The following LINGO2 variants were observed in gnomAD, a reference collection of about 807,000 sequenced individuals.
LINGO2 encodes the protein leucine-rich repeat and immunoglobulin-like domain-containing nogo receptor-interacting protein 2.
A neutral mutation model predicts 30.6 loss-of-function variants in LINGO2; 14 were observed. The ratio of observed to expected loss-of-function variants is 0.46; its 90% CI spans 0.30 to 0.72. LINGO2 has a LOEUF of 0.72. Among genes scored for constraint, LINGO2 ranks in the 30% least tolerant of loss-of-function variants. The pLI is 0.07. For missense variants in LINGO2, 729 were observed against 751.7 expected, an observed-to-expected ratio of 0.97 and a Z score of 0.35; for synonymous variants, 317 against 288.5, an observed-to-expected ratio of 1.10 and a Z score of -1.00.
At chr9:28,084,166 G>A (rs144685990) in intron 4 of LINGO2, among the ~76,000 whole-genome samples, 4,481 of 152,158 alleles carry the variant, frequency 0.029, 133 homozygotes, top group South Asian at 0.086. Flanking sequence ...TATTTATACC[G>A]TTTTAAAGAA....
intron 5 of LINGO2, among the ~76,000 whole-genome samples, chr9:27,974,230 G>T (rs1186432329): frequency 6.6e-6 from 1 of 152,148 alleles, no homozygotes; most frequent in East Asian, 1.9e-4. Flanking sequence ...CATGTTAGGG[G>T]TTCAGGAGAG....
chr9:28,336,260 T>C (rs1825585855), intron 3 of LINGO2, among the ~76,000 whole-genome samples: 1 of 152,110 alleles, frequency 6.6e-6, no homozygotes, highest in South Asian at 2.1e-4. Flanking sequence ...ATTTTCCAAT[T>C]GGATTATATG....
chr9:28,353,081 C>G (rs1468784482), intron 3 of LINGO2, among the ~76,000 whole-genome samples: 1 of 150,740 alleles, frequency 6.6e-6, no homozygotes, highest in Non-Finnish European at 1.5e-5. Context: ...CCATTCAGGA[C>G]ATAGGCATGG....
chr9:28,051,172 A>G (rs945948428), intron 4 of LINGO2, among the ~76,000 whole-genome samples: 1 of 151,318 alleles, frequency 6.6e-6, no homozygotes, highest in African/African-American at 2.4e-5. Flanking sequence ...GCACATTCCA[A>G]TCACAGATGC....
chr9:28,303,479 G>T (rs1348289378), intron 3 of LINGO2, among the ~76,000 whole-genome samples: 2 of 152,028 alleles, frequency 1.3e-5, no homozygotes, highest in Non-Finnish European at 2.9e-5. Flanking sequence ...ACAACATGTG[G>T]ATTAGGAACA....
chr9:28,915,282 C>T, the LINGO2 span, among the ~76,000 whole-genome samples: 63 of 152,272 alleles, frequency 4.1e-4, no homozygotes, highest in Non-Finnish European at 8.1e-4. Context: ...CATCTGTTCA[C>T]AGTCACTTCT....
intron 4 of LINGO2, among the ~76,000 whole-genome samples, chr9:28,030,796 A>G (rs1439989219): frequency 6.6e-6 from 1 of 152,174 alleles, no homozygotes; most frequent in Non-Finnish European, 1.5e-5. Context: ...TAAGGGCAAA[A>G]AGTGGCAGGG....
the LINGO2 span, among the ~76,000 whole-genome samples, chr9:29,182,173 A>T: frequency 6.6e-6 from 1 of 152,242 alleles, no homozygotes; most frequent in South Asian, 2.1e-4. Flanking sequence ...AGTAGTCTTT[A>T]AATGGCAAGT....
At chr9:27,982,730 A>G (rs1258297880) in intron 5 of LINGO2, among the ~76,000 whole-genome samples, 1 of 151,902 alleles carries the variant, frequency 6.6e-6, no homozygotes. Flanking sequence ...TGCTGAGAGC[A>G]GAGAACCTGG....
At chr9:28,751,355 A>G in the LINGO2 span, among the ~76,000 whole-genome samples, 884 of 150,954 alleles carry the variant, frequency 5.9e-3, 22 homozygotes, top group African/African-American at 0.02. Flanking sequence ...GGTTTCTTAA[A>G]TGAACCAGAA....
chr9:28,259,456 G>C (rs1822491834), intron 4 of LINGO2, among the ~76,000 whole-genome samples: 2 of 151,900 alleles, frequency 1.3e-5, no homozygotes, highest in African/African-American at 4.8e-5. Flanking sequence ...CAAAAGAAGG[G>C]ATGTTGATTT....
At chr9:28,960,184 G>C in the LINGO2 span, among the ~76,000 whole-genome samples, 7 of 152,072 alleles carry the variant, frequency 4.6e-5, no homozygotes, top group African/African-American at 1.7e-4. Flanking sequence ...AAAAAAGATA[G>C]CTCTCAAGAA....
At chr9:28,702,739 A>T in the LINGO2 span, among the ~76,000 whole-genome samples, 1 of 151,842 alleles carries the variant, frequency 6.6e-6, no homozygotes. Context: ...TGTTTGGTAA[A>T]ATTTACCAGT....
intron 4 of LINGO2, among the ~76,000 whole-genome samples, chr9:28,059,246 A>C (rs373921547): frequency 5.9e-5 from 9 of 152,132 alleles, no homozygotes; most frequent in African/African-American, 2.2e-4. Context: ...TCATGTGCCT[A>C]CCCTTTTGAC....
chr9:28,936,551 T>C, the LINGO2 span, among the ~76,000 whole-genome samples: 27 of 152,326 alleles, frequency 1.8e-4, 1 homozygote, highest in South Asian at 5.2e-3. Flanking sequence ...GAGAGTCACA[T>C]GCAACCGAAC....
At chr9:29,185,072 T>G in the LINGO2 span, among the ~76,000 whole-genome samples, 1 of 152,154 alleles carries the variant, frequency 6.6e-6, no homozygotes. Context: ...CCAGCTCAAC[T>G]GATCTCAACT....
At chr9:28,330,285 G>A (rs1825373968) in intron 3 of LINGO2, among the ~76,000 whole-genome samples, 1 of 152,158 alleles carries the variant, frequency 6.6e-6, no homozygotes, top group Admixed American at 6.5e-5. Context: ...ATAAATTTCT[G>A]TTGTTTAAGC....
intron 5 of LINGO2, among the ~76,000 whole-genome samples, chr9:28,003,877 A>C (rs889720716): frequency 7.9e-5 from 12 of 152,214 alleles, no homozygotes; most frequent in African/African-American, 2.7e-4. Flanking sequence ...TATGAAAACT[A>C]GTCATCTTGG....
chr9:28,280,827 A>T (rs1823296455), intron 4 of LINGO2, among the ~76,000 whole-genome samples: 1 of 152,074 alleles, frequency 6.6e-6, no homozygotes, highest in African/African-American at 2.4e-5. Flanking sequence ...TCCAGTGCCT[A>T]GTCTTCTGCA....
Sources: gnomAD v4.1 joint callset for allele counts (sites outside exome capture counted in the v4.1 genomes callset) on GRCh38, gnomAD v4.1.1 for gene constraint, MANE v1.5 for transcripts, NCBI Gene and HGNC (gene_info 2026-07-23, HGNC 2026-07-21) for gene names.